MED15: variants seen among roughly 807,000 people sequenced by gnomAD.
The protein encoded by MED15 is mediator of RNA polymerase II transcription subunit 15.
MED15 carries 41 observed loss-of-function variants against 118.7 expected under a neutral mutation model. The ratio of observed to expected loss-of-function variants is 0.35; its 90% CI spans 0.27 to 0.45. The LOEUF is 0.45. MED15 is among the 20% of genes least tolerant of loss of function. The pLI, the probability that MED15 is intolerant of heterozygous loss-of-function variation, is 1.00. For synonymous variants in MED15, 436 were observed against 413.9 expected, an observed-to-expected ratio of 1.05 and a Z score of -0.65; for missense variants, 740 against 1,025.5, an observed-to-expected ratio of 0.72 and a Z score of 3.80.
At chr22:20,532,830 T>A (rs2054912730) in intron 1 of MED15, among the ~76,000 whole-genome samples, 1 of 152,200 alleles carries the variant, frequency 6.6e-6, no homozygotes, top group Non-Finnish European at 1.5e-5. Flanking sequence ...AGTCTGCTCT[T>A]TGTCCTCCTC....
intron 2 of MED15, among the ~76,000 whole-genome samples, chr22:20,537,997 G>A (rs1181015198): frequency 1.3e-5 from 2 of 152,196 alleles, no homozygotes; most frequent in Non-Finnish European, 2.9e-5. Context: ...CGTTTGATAA[G>A]CTTTTTCTTT....
chr22:20,585,525 A>G (rs2057108650), intron 16 of MED15: 1 of 681,476 alleles, frequency 1.5e-6, no homozygotes, highest in East Asian at 2.7e-5. Context: ...GGGAGGTGGT[A>G]GGCAGGACCT....
intron 1 of MED15, chr22:20,508,078 C>T (rs2053933435): frequency 7.6e-7 from 1 of 1,320,192 alleles, no homozygotes; most frequent in South Asian, 1.6e-5. Flanking sequence ...GGGAGAGAAG[C>T]AGCCGGCTGT....
chr22:20,582,500 T>C (rs1376272356), intron 9 of MED15, 111 bp from the exon 10 acceptor site: 1 of 1,483,566 alleles, frequency 6.7e-7, no homozygotes, highest in Admixed American at 2.0e-5. Context: ...AAGACACAGG[T>C]GTGTGGTGAG....
intron 1 of MED15, among the ~76,000 whole-genome samples, chr22:20,531,087 G>A (rs2054844036): frequency 6.6e-6 from 1 of 152,170 alleles, no homozygotes; most frequent in East Asian, 1.9e-4. Flanking sequence ...ATAGGGAGGC[G>A]CTGCCAGATG....
chr22:20,517,532 C>T (rs2054296662), intron 1 of MED15, among the ~76,000 whole-genome samples: 1 of 152,192 alleles, frequency 6.6e-6, no homozygotes. Flanking sequence ...TTTTCACTGC[C>T]CCCACCCCGC....
At chr22:20,535,811 G>A (rs907110055) in intron 1 of MED15, among the ~76,000 whole-genome samples, 1 of 150,896 alleles carries the variant, frequency 6.6e-6, no homozygotes, top group Non-Finnish European at 1.5e-5. Flanking sequence ...TGCCCGCCTT[G>A]GCCTCCCAAA....
At chr22:20,514,528 A>T (rs558546082) in intron 1 of MED15, among the ~76,000 whole-genome samples, 2 of 152,304 alleles carry the variant, frequency 1.3e-5, no homozygotes, top group East Asian at 3.9e-4. Context: ...ATAGATGTCC[A>T]TTGGGCAAAA....
At chr22:20,527,096 CA>C (rs2054671530) in intron 1 of MED15, among the ~76,000 whole-genome samples, 1 of 152,170 alleles carries the variant, frequency 6.6e-6, no homozygotes, top group Non-Finnish European at 1.5e-5. Context: ...CTCTCAGCCT[CA>C]TATGACTTGT....
chr22:20,530,443 G>A (rs1000242005), intron 1 of MED15, among the ~76,000 whole-genome samples: 3 of 152,194 alleles, frequency 2.0e-5, no homozygotes, highest in African/African-American at 7.2e-5. Flanking sequence ...GGGTGAATCT[G>A]TGCCCCAGGG....
chr22:20,540,383 A>G (rs1258387184), intron 2 of MED15, among the ~76,000 whole-genome samples: 1 of 152,192 alleles, frequency 6.6e-6, no homozygotes, highest in Admixed American at 6.5e-5. Context: ...GTTGAGCCCC[A>G]ACTTCATACC....
At chr22:20,564,362 C>T in intron 5 of MED15, 88 bp from the exon 6 acceptor site, 2 of 1,553,552 alleles carry the variant, frequency 1.3e-6, no homozygotes, top group Non-Finnish European at 1.7e-6. Flanking sequence ...GGGGCTTTTG[C>T]TGGCTGTTTT....
At chr22:20,535,049 C>T (rs2055012596) in intron 1 of MED15, among the ~76,000 whole-genome samples, 1 of 152,162 alleles carries the variant, frequency 6.6e-6, no homozygotes, top group Non-Finnish European at 1.5e-5. Flanking sequence ...CCTCTGCCTC[C>T]AGGGTTCAAG....
At chr22:20,547,368 ATT>A (rs1336887330) in intron 2 of MED15, among the ~76,000 whole-genome samples, 5 of 152,198 alleles carry the variant, frequency 3.3e-5, no homozygotes, top group African/African-American at 1.2e-4. Flanking sequence ...ATGTTTAGGA[ATT>A]GGACCTTTTT....
chr22:20,551,358 G>C, intron 2 of MED15, 78 bp from the exon 3 acceptor site: 1 of 1,336,886 alleles, frequency 7.5e-7, no homozygotes, highest in Non-Finnish European at 1.1e-6. Context: ...GTGCCAGCAG[G>C]CGAGGGGGCG....
intron 1 of MED15, among the ~76,000 whole-genome samples, chr22:20,532,731 A>AGGCC (rs1338926655): frequency 6.6e-6 from 1 of 152,164 alleles, no homozygotes; most frequent in African/African-American, 2.4e-5. Context: ...GCCGCCTCAT[A>AGGCC]GGCCTGTACT....
intron 8 of MED15, chr22:20,574,870 A>G: frequency 1.8e-6 from 1 of 544,512 alleles, no homozygotes; most frequent in South Asian, 2.0e-5. Flanking sequence ...CAACCAGTAG[A>G]ACAGAAAGGT....
chr22:20,554,815 G>C, intron 4 of MED15, 121 bp from the exon 5 acceptor site: 3 of 949,092 alleles, frequency 3.2e-6, no homozygotes, highest in Non-Finnish European at 4.7e-6. Context: ...ACTGCTTGGG[G>C]CTGTGAGGGG....
chr22:20,508,246 C>G, intron 1 of MED15: 1 of 1,279,332 alleles, frequency 7.8e-7, no homozygotes, highest in Non-Finnish European at 1.0e-6. Context: ...GGGTGACCCC[C>G]CGAAGGAATG....
Sources: gnomAD v4.1 joint callset for allele counts (sites outside exome capture counted in the v4.1 genomes callset) on GRCh38, gnomAD v4.1.1 for gene constraint, MANE v1.5 for transcripts, NCBI Gene and HGNC (gene_info 2026-07-23, HGNC 2026-07-21) for gene names.